The following KIF6 variants were observed in gnomAD, a reference collection of about 807,000 sequenced individuals.
KIF6 encodes kinesin family member 6, also known as kinesin-like protein KIF6.
KIF6 carries 106 observed loss-of-function variants against 112.7 expected under a neutral mutation model. That is an observed-to-expected ratio of 0.94 (90% CI 0.80 to 1.11). The LOEUF (loss-of-function observed/expected upper bound fraction) is 1.11. Among genes scored for constraint, KIF6 ranks in the 50% least tolerant of loss-of-function variants. The pLI is 0.00. For missense variants in KIF6, 929 were observed against 964.0 expected, an observed-to-expected ratio of 0.96 and a Z score of 0.48; for synonymous variants, 339 against 339.9, an observed-to-expected ratio of 1.00 and a Z score of 0.03.
At chr6:39,693,676 A>G (rs767059778) in intron 3 of KIF6, among the ~76,000 whole-genome samples, 7 of 152,104 alleles carry the variant, frequency 4.6e-5, no homozygotes, top group South Asian at 2.1e-4. Context: ...AGTAATAAAA[A>G]AAAAATCTAC....
At chr6:39,679,689 C>G (rs1357278046) in intron 3 of KIF6, among the ~76,000 whole-genome samples, 2 of 147,604 alleles carry the variant, frequency 1.4e-5, no homozygotes, top group East Asian at 4.0e-4. Flanking sequence ...AATCTCGGCT[C>G]ACTGTAACCT....
At chr6:39,619,337 C>A (rs914431516) in intron 5 of KIF6, among the ~76,000 whole-genome samples, 3 of 152,022 alleles carry the variant, frequency 2.0e-5, no homozygotes, top group Admixed American at 2.0e-4. Context: ...TAGACTTGGA[C>A]TCTTGTAAGT....
At chr6:39,587,315 T>C (rs910004520) in intron 7 of KIF6, among the ~76,000 whole-genome samples, 2 of 152,220 alleles carry the variant, frequency 1.3e-5, no homozygotes, top group Admixed American at 6.5e-5. Context: ...CCTCCGCCAA[T>C]GCCTGTCATT....
chr6:39,332,781 T>TCTC lies in KIF6; in HGVS notation c.*3750_*3751insGAG, dbSNP rs1762788752. On this transcript the variant is annotated 3_prime_UTR_variant, in exon 23 of 23. Transcript: ENST00000287152. ...GATCTCCAGAGCATGCTCTCTCTCT[T>TCTC]TCTCTCTCTTTTTTCTCCTCTCTCT... 1.4e-5 allele frequency: 2 copies of TCTC among 144,532 alleles called. No individual in the cohort carries two copies. The highest frequency in any genetic ancestry group is 2.7e-5 in the African/African-American group (1 of 36,644). 9.0% of individuals were successfully genotyped at this position (144,532 alleles called of 1,614,324 possible).
intron 6 of KIF6, among the ~76,000 whole-genome samples, chr6:39,597,644 G>A (rs1304457715): frequency 6.6e-6 from 1 of 152,162 alleles, no homozygotes; most frequent in Admixed American, 6.5e-5. Flanking sequence ...AGCTTTAAGT[G>A]TGAAATAACA....
chr6:39,411,086 T>C (rs542206029), intron 15 of KIF6, among the ~76,000 whole-genome samples: 67 of 152,294 alleles, frequency 4.4e-4, no homozygotes, highest in African/African-American at 1.4e-3. Context: ...AATAAGCAGA[T>C]AAGTAGCTCA....
At chr6:39,688,639 C>T (rs534217337) in intron 3 of KIF6, among the ~76,000 whole-genome samples, 6 of 152,252 alleles carry the variant, frequency 3.9e-5, no homozygotes, top group Non-Finnish European at 7.3e-5. Flanking sequence ...CAAGAAGCTG[C>T]CACAGCATTT....
At chr6:39,514,200 C>T (rs564794829) in intron 13 of KIF6, among the ~76,000 whole-genome samples, 19 of 152,262 alleles carry the variant, frequency 1.2e-4, no homozygotes, top group Middle Eastern at 3.4e-3. Flanking sequence ...CCCACAAGAT[C>T]GGATCTTCCC....
chr6:39,424,724 A>T (rs868580820), intron 14 of KIF6, among the ~76,000 whole-genome samples: 1 of 152,202 alleles, frequency 6.6e-6, no homozygotes, highest in Non-Finnish European at 1.5e-5. Flanking sequence ...TCATAAATTC[A>T]TTATGACCAT....
intron 2 of KIF6, among the ~76,000 whole-genome samples, chr6:39,715,140 C>G (rs997041722): frequency 1.3e-5 from 2 of 152,170 alleles, no homozygotes; most frequent in African/African-American, 4.8e-5. Context: ...TGTAAACAGC[C>G]AAGGAACTTC....
chr6:39,356,545 A>C (rs1356690145), intron 19 of KIF6, among the ~76,000 whole-genome samples: 5 of 152,150 alleles, frequency 3.3e-5, no homozygotes, highest in African/African-American at 1.2e-4. Context: ...GATTACAGGC[A>C]TGAGCCACCG....
At chr6:39,568,787 G>A (rs954033894) in intron 10 of KIF6, among the ~76,000 whole-genome samples, 4 of 152,098 alleles carry the variant, frequency 2.6e-5, no homozygotes, top group Non-Finnish European at 5.9e-5. Context: ...CTGACCTCAG[G>A]TGATCCACCT....
chr6:39,525,894 T>C (rs899433724), intron 13 of KIF6, among the ~76,000 whole-genome samples: 2 of 152,196 alleles, frequency 1.3e-5, no homozygotes, highest in Non-Finnish European at 2.9e-5. Flanking sequence ...AATGGGCATG[T>C]GATTCCCCCT....
At chr6:39,714,583 C>A in intron 3 of KIF6, 109 bp downstream of exon 3, 1 of 697,204 alleles carries the variant, frequency 1.4e-6, no homozygotes, top group South Asian at 1.7e-5. Flanking sequence ...ACATGTCCTG[C>A]AGCCTAAGTA....
intron 5 of KIF6, among the ~76,000 whole-genome samples, chr6:39,617,041 C>T (rs1783559360): frequency 6.6e-6 from 1 of 152,034 alleles, no homozygotes; most frequent in Non-Finnish European, 1.5e-5. Flanking sequence ...AATAAACATT[C>T]TAATTCCAAG....
intron 15 of KIF6, among the ~76,000 whole-genome samples, chr6:39,411,255 G>A (rs1245985814): frequency 6.6e-6 from 1 of 152,198 alleles, no homozygotes; most frequent in Non-Finnish European, 1.5e-5. Flanking sequence ...AGGCCTGGAG[G>A]CAGAACGCTG....
At chr6:39,658,354 C>G (rs1204498128) in intron 3 of KIF6, among the ~76,000 whole-genome samples, 1 of 152,086 alleles carries the variant, frequency 6.6e-6, no homozygotes, top group Non-Finnish European at 1.5e-5. Flanking sequence ...TTAAAAATTG[C>G]TATGCATTTT....
At chr6:39,693,951 A>C (rs559171995) in intron 3 of KIF6, among the ~76,000 whole-genome samples, 5 of 152,320 alleles carry the variant, frequency 3.3e-5, no homozygotes, top group African/African-American at 1.2e-4. Context: ...CCAGCAGTAC[A>C]TCTAAAAGTT....
chr6:39,673,482 A>G (rs1047650874), intron 3 of KIF6, among the ~76,000 whole-genome samples: 1 of 152,224 alleles, frequency 6.6e-6, no homozygotes, highest in Non-Finnish European at 1.5e-5. Context: ...TGTGCCATGT[A>G]CTCCAATATT....
Sources: gnomAD v4.1 joint callset for allele counts (sites outside exome capture counted in the v4.1 genomes callset) on GRCh38, gnomAD v4.1.1 for gene constraint, MANE v1.5 for transcripts, NCBI Gene and HGNC (gene_info 2026-07-23, HGNC 2026-07-21) for gene names.